ABHD2: variants seen among roughly 807,000 people sequenced by gnomAD.
The protein encoded by ABHD2 is abhydrolase domain containing 2, acylglycerol lipase, also known as monoacylglycerol lipase ABHD2.
Under a neutral mutation model 48.1 loss-of-function variants are expected in ABHD2, and 20 were observed. That is an observed-to-expected ratio of 0.42 (90% confidence interval 0.29 to 0.60). The LOEUF (loss-of-function observed/expected upper bound fraction) is 0.60. Among genes scored for constraint, ABHD2 ranks in the 20% least tolerant of loss-of-function variants. The pLI is 0.24. For missense variants in ABHD2, 405 were observed against 550.9 expected (o/e 0.74, Z 2.65); for synonymous variants, 209 against 214.2 (o/e 0.98, Z 0.21).
intron 5 of ABHD2, among the ~76,000 whole-genome samples, chr15:89,169,548 T>C (rs1347401492): frequency 6.6e-6 from 1 of 152,180 alleles, no homozygotes; most frequent in African/African-American, 2.4e-5. Flanking sequence ...CATAAAGATA[T>C]AGTTAGCTAA....
rs1306253381 is a variant in ABHD2, at chr15:89,198,692, A to C, written c.*3269A>C. 1 of 152,196 alleles carries C rather than the reference A, an allele frequency of 6.6e-6. No individual in the cohort carries two copies. Among genetic ancestry groups the C allele is most frequent in the Non-Finnish European group, 1.5e-5 (1 of 68,036 alleles). 9.4% of individuals were successfully genotyped at this position (152,196 alleles called of 1,614,324 possible). A position where few individuals can be genotyped will look rare whatever the true frequency, so the allele number is the denominator to read the frequency against. Reference sequence around the variant, plus strand: ...TGTTCCCTCCTCTTAGACCATCTCTAAGACCACTTCATCTATTTACACATC... The same window carrying C: ...TGTTCCCTCCTCTTAGACCATCTCTCAGACCACTTCATCTATTTACACATC... On this transcript the variant is annotated 3_prime_UTR_variant, in exon 11 of 11. Transcript: ENST00000352732. This position sits in a 1 kb window ranked among gnomAD's most constrained non-coding sequence, Gnocchi z 5.1.
chr15:89,125,828 C>T (rs1439447795), intron 3 of ABHD2, among the ~76,000 whole-genome samples: 1 of 152,158 alleles, frequency 6.6e-6, no homozygotes, highest in African/African-American at 2.4e-5. Context: ...TCAAGATCAC[C>T]AAGTCTGAGT....
chr15:89,106,331 G>T lies in ABHD2; in HGVS notation c.-106-7394G>T, dbSNP rs531960026. 1 of 152,460 alleles carries T rather than the reference G, an allele frequency of 6.6e-6. No individual in the cohort carries two copies. Among genetic ancestry groups the T allele is most frequent in the East Asian group, 1.9e-4 (1 of 5,180 alleles). The allele number at this position is 152,460 out of a possible 1,614,324, so 9.4% of individuals were successfully genotyped here. A position where few individuals can be genotyped will look rare whatever the true frequency, so the allele number is the denominator to read the frequency against. On this transcript the variant is annotated intron_variant, in intron 1 of 10. Coordinates refer to ENST00000352732, the MANE Select transcript of ABHD2 (RefSeq NM_152924.5). The surrounding 1 kb of genome is among the most constrained non-coding windows in gnomAD (Gnocchi z 4.2). ...AACAAACCCAGAGTATTTGAGCACC[G>T]TGATGACTCCATTCCACAGAACCCT...
the ABHD2 span, among the ~76,000 whole-genome samples, chr15:89,042,592 T>TTATA: frequency 4.2e-5 from 1 of 23,692 alleles, no homozygotes; most frequent in Non-Finnish European, 9.4e-5. Flanking sequence ...TCTTTCTTAT[T>TTATA]TATTTATTTA....
intron 8 of ABHD2, 141 bp from the exon 9 acceptor site, chr15:89,190,939 C>T (rs2150952135): frequency 2.9e-6 from 2 of 678,514 alleles, no homozygotes; most frequent in East Asian, 5.5e-5. Flanking sequence ...GCTCAGCATT[C>T]AGGCCTAGCT....
Position 89,145,882 on chromosome 15 carries a change from T to A in ABHD2, c.195-5795T>A, listed in dbSNP as rs74029906. ...TCATTTCACGCCTGGTTCTCCAGCC[T>A]CTTTTCCATTTAGTAGGCACCCCAG... On this transcript the variant is annotated intron_variant, in intron 3 of 10. Coordinates refer to ENST00000352732, the MANE Select transcript of ABHD2 (RefSeq NM_152924.5). 2.7e-3 allele frequency among the ~76,000 whole-genome samples: 418 copies of A among 152,330 alleles called. 2 individuals are homozygous for A. The highest frequency in any genetic ancestry group is 9.3e-3 in the African/African-American group (386 of 41,578).
chr15:89,170,253 T>G (rs536775306), intron 5 of ABHD2, among the ~76,000 whole-genome samples: 13 of 151,670 alleles, frequency 8.6e-5, no homozygotes, highest in African/African-American at 3.1e-4. Context: ...GTGTCACCAC[T>G]GCCTGGATAA....
rs2050331057 is a variant in ABHD2, at chr15:89,137,290, A to G, written c.195-14387A>G. Among the ~76,000 whole-genome samples the G allele has an allele frequency of 1.3e-5, 2 of 152,218 alleles. No homozygotes were observed. Among genetic ancestry groups the G allele is most frequent in the Admixed American group, 6.5e-5 (1 of 15,290 alleles). ...CCAGTTCCGCGTGCTGTTTGTGAAC[A>G]GGAAGATAGTGGGATCAGATGCATT... On this transcript the variant is annotated intron_variant, in intron 3 of 10. Transcript: ENST00000352732. The surrounding 1 kb of genome is among the most constrained non-coding windows in gnomAD (Gnocchi z 4.8).
At chr15:89,126,932 T>G (rs1309949251) in intron 3 of ABHD2, among the ~76,000 whole-genome samples, 4 of 152,188 alleles carry the variant, frequency 2.6e-5, no homozygotes, top group Non-Finnish European at 5.9e-5. Context: ...TTTTCCTGAG[T>G]TTATAAGGAA....
chr15:89,126,230 C>A (rs752791770), intron 3 of ABHD2, among the ~76,000 whole-genome samples: 6 of 152,208 alleles, frequency 3.9e-5, no homozygotes, highest in Non-Finnish European at 5.9e-5. Flanking sequence ...CTTGGCTCCA[C>A]GTGTAAGGTC....
At position 89,168,146 on chromosome 15, in the gene ABHD2, C is replaced by G. The variant is rs1017923935; in HGVS notation, c.539-7666C>G. Among the ~76,000 whole-genome samples the G allele has an allele frequency of 2.0e-5, 3 of 152,154 alleles. No individual in the cohort carries two copies. The highest frequency in any genetic ancestry group is 2.0e-4 in the Admixed American group (3 of 15,280). On this transcript the variant is annotated intron_variant, in intron 5 of 10. Coordinates refer to ENST00000352732, the MANE Select transcript of ABHD2 (RefSeq NM_152924.5). This position sits in a 1 kb window ranked among gnomAD's most constrained non-coding sequence, Gnocchi z 4.8. ...GGGGAAGTGGCTGTTGAAATAATAG[C>G]TTTCAGGCAGCCTTTGCCTTGTCCT...
chr15:89,183,382 AAAAT>A (rs1245982506), intron 6 of ABHD2: 702 of 55,174 alleles, frequency 0.013, 1 homozygote, highest in South Asian at 0.015. Flanking sequence ...AAAAAAAAAA[AAAAT>A]ATATATATAT....
the ABHD2 span, among the ~76,000 whole-genome samples, chr15:89,043,165 A>C: frequency 1.4e-4 from 21 of 152,180 alleles, no homozygotes; most frequent in African/African-American, 5.1e-4. Flanking sequence ...GGCTGTGGAG[A>C]AGACAGACAG....
At position 89,201,147 on chromosome 15, in the gene ABHD2, TG is replaced by T; in HGVS notation, c.*5726del. The T allele has an allele frequency of 7.7e-7, 1 of 1,301,948 alleles. No individual in the cohort carries two copies. The highest frequency in any genetic ancestry group is 1.1e-6 in the Non-Finnish European group (1 of 897,810). The allele number at this position is 1,301,948 out of a possible 1,614,324, so 80.6% of individuals were successfully genotyped here. ...ACAACAAGAAGTGAAGGAAGAAGACTGGTGACATCTCTGAAGGATGCAGTTG... is the reference window on the plus strand; with the variant it reads ...ACAACAAGAAGTGAAGGAAGAAGACTGTGACATCTCTGAAGGATGCAGTTG... On this transcript the variant is annotated 3_prime_UTR_variant, in exon 11 of 11. Transcript: ENST00000352732.
intron 8 of ABHD2, among the ~76,000 whole-genome samples, chr15:89,190,494 G>A (rs2051285780): frequency 6.6e-6 from 1 of 152,062 alleles, no homozygotes; most frequent in Non-Finnish European, 1.5e-5. Flanking sequence ...ATTCACGGTG[G>A]TCCTGTTACT....
the ABHD2 span, among the ~76,000 whole-genome samples, chr15:89,069,242 C>T: frequency 6.6e-6 from 1 of 151,312 alleles, no homozygotes; most frequent in Non-Finnish European, 1.5e-5. Context: ...ATCCTCCTGT[C>T]TCAGTCTCTA....
chr15:89,084,133 C>A (rs185597766), upstream of ABHD2, among the ~76,000 whole-genome samples: 5 of 151,154 alleles, frequency 3.3e-5, no homozygotes, highest in Non-Finnish European at 7.4e-5. The surrounding 1 kb of genome is among the most constrained non-coding windows in gnomAD (Gnocchi z 4.4). Context: ...AACCTTAACT[C>A]GGTCCTCAAA....
At chr15:89,072,102 G>C in the ABHD2 span, among the ~76,000 whole-genome samples, 1 of 152,178 alleles carries the variant, frequency 6.6e-6, no homozygotes, top group African/African-American at 2.4e-5. Flanking sequence ...AAATGTCTCC[G>C]TTAGAAACCT....
rs1358951983 is a variant in ABHD2 at position 89,155,197 on chromosome 15, A to G, written c.371-170A>G. On this transcript the variant is annotated intron_variant, in intron 4 of 10. Coordinates refer to ENST00000352732, the MANE Select transcript of ABHD2 (RefSeq NM_152924.5). This position sits in a 1 kb window ranked among gnomAD's most constrained non-coding sequence, Gnocchi z 4.9. ...CTTCACTATAAATAGCTTGAGAAGC[A>G]CTGATATAGACAGCTCCAGCTAGAA... is the stretch of plus-strand genomic sequence containing the variant. Among the ~76,000 whole-genome samples, 1 of 152,236 alleles carries G rather than the reference A, an allele frequency of 6.6e-6. No homozygotes were observed. The highest frequency in any genetic ancestry group is 1.5e-5 in the Non-Finnish European group (1 of 68,044).
Sources: allele counts gnomAD v4.1 joint callset (sites outside exome capture counted in the v4.1 genomes callset), GRCh38; gene constraint gnomAD v4.1.1; non-coding constraint Gnocchi (gnomAD v3.1); transcripts MANE v1.5; gene names NCBI Gene and HGNC (gene_info 2026-07-23, HGNC 2026-07-21).